TLL2: variants seen among roughly 807,000 people sequenced by gnomAD.
The protein encoded by TLL2 is tolloid like 2, also known as tolloid-like protein 2.
Under a neutral mutation model 123.0 loss-of-function variants are expected in TLL2, and 106 were observed. The observed-to-expected ratio is 0.86, with a 90% confidence interval of 0.74 to 1.01. The LOEUF is 1.01. Ranked by LOEUF, TLL2 falls within the 50% of genes least tolerant of loss-of-function variation. The pLI is 0.00. For synonymous variants in TLL2, 494 were observed against 516.8 expected, an observed-to-expected ratio of 0.96 and a Z score of 0.60; for missense variants, 1,332 against 1,336.7, an observed-to-expected ratio of 1.00 and a Z score of 0.06.
intron 2 of TLL2, among the ~76,000 whole-genome samples, chr10:96,460,650 T>A (rs1589428129): frequency 6.6e-6 from 1 of 152,174 alleles, no homozygotes. Flanking sequence ...CATGTGAAGA[T>A]GTGCCTGTTT....
At chr10:96,429,811 T>C (rs1213443509) in intron 4 of TLL2, among the ~76,000 whole-genome samples, 1 of 152,172 alleles carries the variant, frequency 6.6e-6, no homozygotes, top group Non-Finnish European at 1.5e-5. Context: ...CCTTTGAAAA[T>C]AGGTGAACTT....
chr10:96,444,604 T>G (rs377646155), intron 3 of TLL2, among the ~76,000 whole-genome samples: 24 of 152,264 alleles, frequency 1.6e-4, no homozygotes, highest in African/African-American at 5.5e-4. Context: ...GAGAAAAATA[T>G]GAAGGCTGTA....
chr10:96,418,911 A>C (rs925256388), intron 7 of TLL2, among the ~76,000 whole-genome samples: 3 of 151,880 alleles, frequency 2.0e-5, no homozygotes, highest in Admixed American at 2.0e-4. Context: ...TGGCAGCTAC[A>C]GAAACAAGAC....
chr10:96,445,118 G>A (rs71484216), intron 3 of TLL2, among the ~76,000 whole-genome samples: 1 of 152,200 alleles, frequency 6.6e-6, no homozygotes, highest in African/African-American at 2.4e-5. Flanking sequence ...GAACCCAGGA[G>A]GCGGAGCTTG....
rs1489597548 is a variant in TLL2, at chr10:96,384,720, G to A, written c.2061C>T (p.Asp687=). The part of the protein sequence containing the change: ...FVEVRSGLSP[D]AKLHGRFCGS... Reference sequence around the variant, plus strand: ...CGCAGAACCTGCCGTGCAGCTTGGCGTCGGGGGACAGGCCGCTGCGCACCT... The same window carrying A: ...CGCAGAACCTGCCGTGCAGCTTGGCATCGGGGGACAGGCCGCTGCGCACCT... The change falls in exon 16 of 21, where the codon GAC becomes GAT. Residue 687 remains aspartate, a synonymous_variant. Transcript: ENST00000357947. 2.5e-6 allele frequency: 4 copies of A among 1,610,864 alleles called. No individual in the cohort carries two copies. The highest frequency in any genetic ancestry group is 1.1e-5 in the South Asian group (1 of 90,632).
At chr10:96,476,240 A>ATACATATATATATATATATATTCT in intron 2 of TLL2, among the ~76,000 whole-genome samples, 4 of 20,496 alleles carry the variant, frequency 2.0e-4, no homozygotes, top group Admixed American at 1.0e-3. Flanking sequence ...ATATATATAT[A>ATACATATATATATATATATATTCT]TTTTATTTTT....
intron 1 of TLL2, among the ~76,000 whole-genome samples, chr10:96,482,101 G>GA (rs1847317293): frequency 1.3e-5 from 2 of 151,912 alleles, no homozygotes; most frequent in Admixed American, 6.6e-5. Flanking sequence ...ATTAAAAATA[G>GA]AAAAAAATTA....
chr10:96,472,633 G>A (rs1044831070), intron 2 of TLL2, among the ~76,000 whole-genome samples: 1 of 152,082 alleles, frequency 6.6e-6, no homozygotes, highest in Non-Finnish European at 1.5e-5. Context: ...ACGGTGACAT[G>A]TGCCTGTGGT....
chr10:96,484,871 T>G (rs1353812368), intron 1 of TLL2, among the ~76,000 whole-genome samples: 1 of 152,210 alleles, frequency 6.6e-6, no homozygotes, highest in East Asian at 1.9e-4. Context: ...TGGCACATAG[T>G]AGGCGATTTC....
At chr10:96,437,859 A>C (rs559871620) in intron 3 of TLL2, among the ~76,000 whole-genome samples, 1 of 152,220 alleles carries the variant, frequency 6.6e-6, no homozygotes, top group South Asian at 2.1e-4. Context: ...ATGAACATTC[A>C]TGTACGGATT....
At chr10:96,373,353 C>A (rs1846102457) in intron 19 of TLL2, 1 of 420,544 alleles carries the variant, frequency 2.4e-6, no homozygotes, top group Non-Finnish European at 4.4e-6. Flanking sequence ...GTTGCCCAGG[C>A]TGGTCTCGAA....
chr10:96,382,615 G>A (rs1015157503), intron 16 of TLL2, among the ~76,000 whole-genome samples: 2 of 152,236 alleles, frequency 1.3e-5, no homozygotes, highest in Non-Finnish European at 2.9e-5. Flanking sequence ...TAGGTCATGA[G>A]AGCTCATTAT....
At chr10:96,498,820 A>G (rs1322765378) in intron 1 of TLL2, among the ~76,000 whole-genome samples, 4 of 152,188 alleles carry the variant, frequency 2.6e-5, no homozygotes. Context: ...ACCTCAACTG[A>G]GGGAGAGTGG....
chr10:96,390,492 G>A (rs1404120100), intron 13 of TLL2, among the ~76,000 whole-genome samples: 2 of 152,214 alleles, frequency 1.3e-5, no homozygotes, highest in South Asian at 2.1e-4. Flanking sequence ...CTCTGAGAAG[G>A]CTGCCATCTG....
chr10:96,371,690 G>A (rs1846086346), intron 19 of TLL2, among the ~76,000 whole-genome samples: 2 of 152,174 alleles, frequency 1.3e-5, no homozygotes, highest in Admixed American at 1.3e-4. Context: ...CCTCCATCCG[G>A]CCGGACGCCC....
At chr10:96,391,913 A>G (rs1299730485) in intron 13 of TLL2, among the ~76,000 whole-genome samples, 1 of 152,206 alleles carries the variant, frequency 6.6e-6, no homozygotes, top group Non-Finnish European at 1.5e-5. Context: ...GCATCTGAAA[A>G]GATGTTTGCA....
chr10:96,370,501 G>C (rs1188339975), intron 19 of TLL2, among the ~76,000 whole-genome samples, 186 bp from the exon 20 acceptor site: 2 of 152,226 alleles, frequency 1.3e-5, no homozygotes, highest in Admixed American at 6.5e-5. Flanking sequence ...CTCCCTCGGG[G>C]GTGCAAAGTG....
At chr10:96,411,215 C>T (rs1289355626) in intron 8 of TLL2, among the ~76,000 whole-genome samples, 1 of 131,680 alleles carries the variant, frequency 7.6e-6, no homozygotes, top group African/African-American at 2.9e-5. Context: ...TGCACTACTG[C>T]ACTCCAGTCT....
intron 16 of TLL2, among the ~76,000 whole-genome samples, chr10:96,383,381 G>A (rs1460622771): frequency 1.3e-5 from 2 of 152,154 alleles, no homozygotes; most frequent in African/African-American, 2.4e-5. Context: ...ACGTGTTGTG[G>A]GAGGAACCCG....
Sources: allele counts gnomAD v4.1 joint callset (sites outside exome capture counted in the v4.1 genomes callset), GRCh38; gene constraint gnomAD v4.1.1; transcripts MANE v1.5; gene names NCBI Gene and HGNC (gene_info 2026-07-23, HGNC 2026-07-21).